The following NPFFR2 variants were observed in gnomAD, a reference collection of about 807,000 sequenced individuals.
NPFFR2 encodes the protein G-protein coupled receptor 74.
In NPFFR2, 15 loss-of-function variants were observed where a neutral mutation model predicts 13.1. The ratio of observed to expected loss-of-function variants is 1.15; its 90% CI spans 0.77 to 1.76. The LOEUF (loss-of-function observed/expected upper bound fraction) is 1.76. Ranked by LOEUF, NPFFR2 falls within the 40% of genes most tolerant of loss-of-function variation. NPFFR2 has a pLI of 0.00. For missense variants in NPFFR2, 572 were observed against 503.5 expected (o/e 1.14, Z -1.30); for synonymous variants, 190 against 175.7 (o/e 1.08, Z -0.65).
At chr4:72,133,631 A>G (rs767511040) in intron 2 of NPFFR2, among the ~76,000 whole-genome samples, 4 of 152,082 alleles carry the variant, frequency 2.6e-5, no homozygotes, top group South Asian at 2.1e-4. Flanking sequence ...GATTCTTCCT[A>G]TCCGTGGGCA....
At chr4:72,123,586 T>A (rs568508585) in intron 1 of NPFFR2, among the ~76,000 whole-genome samples, 1 of 152,316 alleles carries the variant, frequency 6.6e-6, no homozygotes, top group African/African-American at 2.4e-5. Context: ...GACTTCATCC[T>A]TGGGATGCAA....
chr4:72,103,601 T>G (rs115566974), intron 1 of NPFFR2, among the ~76,000 whole-genome samples: 2,717 of 152,248 alleles, frequency 0.018, 87 homozygotes, highest in African/African-American at 0.062. Flanking sequence ...GCTCACTTCA[T>G]TGGAGTCCAA....
At chr4:72,097,064 G>T (rs955260504) in intron 1 of NPFFR2, among the ~76,000 whole-genome samples, 5 of 151,746 alleles carry the variant, frequency 3.3e-5, no homozygotes, top group African/African-American at 1.2e-4. Context: ...TAGTTTTCTA[G>T]ATAATTGAAG....
intron 1 of NPFFR2, among the ~76,000 whole-genome samples, chr4:72,106,948 A>T (rs1721435626): frequency 6.6e-6 from 1 of 152,030 alleles, no homozygotes; most frequent in African/African-American, 2.4e-5. Context: ...CACATTGAAT[A>T]TCACGTCATG....
At chr4:72,088,978 C>T (rs1232322167) in intron 1 of NPFFR2, among the ~76,000 whole-genome samples, 1 of 151,974 alleles carries the variant, frequency 6.6e-6, no homozygotes. Flanking sequence ...ATCCCTCAAC[C>T]CTCTCCCACC....
intron 1 of NPFFR2, among the ~76,000 whole-genome samples, chr4:72,126,167 C>T (rs553701587): frequency 2.0e-5 from 3 of 152,160 alleles, no homozygotes; most frequent in South Asian, 4.1e-4. Context: ...TTATCCAAAA[C>T]GTTATCTTGG....
chr4:72,082,994 T>C (rs78493995), intron 1 of NPFFR2, among the ~76,000 whole-genome samples: 26 of 152,190 alleles, frequency 1.7e-4, no homozygotes, highest in Non-Finnish European at 3.7e-4. Flanking sequence ...CAGGATTTTC[T>C]TTAAAAAAAC....
intron 1 of NPFFR2, among the ~76,000 whole-genome samples, chr4:72,112,562 G>A (rs1721593233): frequency 6.6e-6 from 1 of 151,946 alleles, no homozygotes; most frequent in African/African-American, 2.4e-5. Context: ...CTCCAAAGTA[G>A]CACGTGTTTC....
chr4:72,096,526 T>C (rs555447049), intron 1 of NPFFR2, among the ~76,000 whole-genome samples: 1 of 152,250 alleles, frequency 6.6e-6, no homozygotes, highest in South Asian at 2.1e-4. Context: ...GTTAAATATA[T>C]ATATACAATT....
chr4:72,137,620 T>C (rs1310198211), intron 2 of NPFFR2, among the ~76,000 whole-genome samples: 1 of 152,192 alleles, frequency 6.6e-6, no homozygotes, highest in Non-Finnish European at 1.5e-5. Context: ...AAGGGCATTA[T>C]TGCATCAGAG....
intron 1 of NPFFR2, 100 bp downstream of exon 1, chr4:72,032,300 G>A: frequency 7.8e-7 from 1 of 1,288,228 alleles, no homozygotes; most frequent in Non-Finnish European, 1.1e-6. Flanking sequence ...AGCGATTGTG[G>A]ACCGACACCT....
chr4:72,049,289 G>T (rs1352023420), intron 1 of NPFFR2, among the ~76,000 whole-genome samples: 1 of 152,050 alleles, frequency 6.6e-6, no homozygotes, highest in Non-Finnish European at 1.5e-5. Flanking sequence ...GCTGTGTTGT[G>T]TCTTTGGTTG....
chr4:72,072,745 C>T (rs4296652), intron 1 of NPFFR2, among the ~76,000 whole-genome samples: 136,879 of 152,092 alleles, frequency 0.9, 62,537 homozygotes, highest in Non-Finnish European at 0.98. Flanking sequence ...AGAATAAACT[C>T]AAAGATACTC....
chr4:72,051,475 T>C (rs944656798), intron 1 of NPFFR2, among the ~76,000 whole-genome samples: 53 of 151,068 alleles, frequency 3.5e-4, no homozygotes, highest in African/African-American at 1.1e-3. Context: ...TACCAGAATC[T>C]CTGGGACACA....
At chr4:72,141,029 T>C (rs1408086124) in intron 3 of NPFFR2, among the ~76,000 whole-genome samples, 2 of 152,194 alleles carry the variant, frequency 1.3e-5, no homozygotes, top group African/African-American at 4.8e-5. Context: ...TCTTTTAGAT[T>C]TTCTAGTTTA....
At chr4:72,124,538 G>A (rs1721979397) in intron 1 of NPFFR2, among the ~76,000 whole-genome samples, 1 of 151,310 alleles carries the variant, frequency 6.6e-6, no homozygotes, top group Admixed American at 6.6e-5. Flanking sequence ...AGTACGGTTT[G>A]GTACCAGTAA....
At chr4:72,118,933 A>T (rs1406843150) in intron 1 of NPFFR2, among the ~76,000 whole-genome samples, 1 of 152,216 alleles carries the variant, frequency 6.6e-6, no homozygotes, top group Non-Finnish European at 1.5e-5. Context: ...AGGATATAGC[A>T]TATAAGCATA....
chr4:72,068,135 C>A (rs1720128636), intron 1 of NPFFR2, among the ~76,000 whole-genome samples: 1 of 152,202 alleles, frequency 6.6e-6, no homozygotes, highest in African/African-American at 2.4e-5. Flanking sequence ...GTACTGATTT[C>A]TCTCTTAGTC....
At chr4:72,122,197 G>A (rs763009952) in intron 1 of NPFFR2, among the ~76,000 whole-genome samples, 25 of 152,102 alleles carry the variant, frequency 1.6e-4, no homozygotes, top group Non-Finnish European at 3.1e-4. Flanking sequence ...GCAACCAGAA[G>A]AGCTAACTAA....
Sources: allele counts gnomAD v4.1 joint callset (sites outside exome capture counted in the v4.1 genomes callset), GRCh38; gene constraint gnomAD v4.1.1; transcripts MANE v1.5; gene names NCBI Gene and HGNC (gene_info 2026-07-23, HGNC 2026-07-21).